The following BAG3 variants were observed in gnomAD, a reference collection of about 807,000 sequenced individuals.
BAG3 encodes BAG family molecular chaperone regulator 3.
A neutral mutation model predicts 40.5 loss-of-function variants in BAG3; 14 were observed. The ratio of observed to expected loss-of-function variants is 0.35; its 90% CI spans 0.23 to 0.54. BAG3 has a LOEUF of 0.54. BAG3 is among the 20% of genes least tolerant of loss of function. The probability of loss-of-function intolerance (pLI) is 0.91; values close to 1 mark genes in which losing one functional copy is unlikely to be tolerated. For missense variants in BAG3, 788 were observed against 758.6 expected (o/e 1.04, Z -0.46); for synonymous variants, 302 against 307.8 (o/e 0.98, Z 0.20).
intron 1 of BAG3, among the ~76,000 whole-genome samples, chr10:119,652,244 G>A (rs1277953744): frequency 1.3e-5 from 2 of 152,024 alleles, no homozygotes; most frequent in African/African-American, 4.8e-5. Flanking sequence ...CGTGGCCCCT[G>A]CTGCCCGCTC....
intron 1 of BAG3, among the ~76,000 whole-genome samples, chr10:119,652,476 A>G (rs1054923162): frequency 6.6e-6 from 1 of 152,208 alleles, no homozygotes; most frequent in Non-Finnish European, 1.5e-5. Context: ...TTAAATTAAA[A>G]TTGTATTATT....
At chr10:119,660,041 C>A (rs1379856797) in intron 1 of BAG3, among the ~76,000 whole-genome samples, 2 of 152,182 alleles carry the variant, frequency 1.3e-5, no homozygotes, top group Non-Finnish European at 2.9e-5. Flanking sequence ...AGGCAGGCTG[C>A]AGGGCTGGGG....
chr10:119,671,300 T>G (rs1847146591), intron 2 of BAG3, among the ~76,000 whole-genome samples: 1 of 152,212 alleles, frequency 6.6e-6, no homozygotes, highest in Non-Finnish European at 1.5e-5. Context: ...AGAGCGAGAC[T>G]GTCTCAAAAA....
At chr10:119,666,542 C>G (rs1394315677) in intron 1 of BAG3, among the ~76,000 whole-genome samples, 1 of 152,270 alleles carries the variant, frequency 6.6e-6, no homozygotes, top group Non-Finnish European at 1.5e-5. Flanking sequence ...AATGGAGGCA[C>G]AAAATGTGCT....
intron 1 of BAG3, among the ~76,000 whole-genome samples, chr10:119,668,837 A>G (rs920136100): frequency 2.6e-5 from 4 of 152,268 alleles, no homozygotes; most frequent in Non-Finnish European, 4.4e-5. Context: ...CGGGGCCATC[A>G]AGATAGGCAC....
rs753140913 is a variant in BAG3 at position 119,676,538 on chromosome 10, T to G, written c.984T>G (p.Val328=). 4 of 1,613,864 alleles carry G rather than the reference T, an allele frequency of 2.5e-6. No individual in the cohort carries two copies. Among genetic ancestry groups the G allele is most frequent in the Non-Finnish European group, 3.4e-6 (4 of 1,179,996 alleles). ...AACCAGAAAGTAAGCCAGGCCCAGT[T>G]GGACCAGAACTCCCTCCTGGACACA... ...ENKPESKPGP[V]GPELPPGHIP... Residue 328 remains valine (V), a synonymous_variant, in exon 4 of 4, where the codon GTT becomes GTG. Transcript: ENST00000369085.
At chr10:119,667,108 C>T (rs1847078136) in intron 1 of BAG3, among the ~76,000 whole-genome samples, 2 of 152,182 alleles carry the variant, frequency 1.3e-5, no homozygotes, top group African/African-American at 4.8e-5. Flanking sequence ...TCCTGAATAG[C>T]AGGGACTACA....
At chr10:119,668,511 G>T (rs971203148) in intron 1 of BAG3, among the ~76,000 whole-genome samples, 1 of 152,250 alleles carries the variant, frequency 6.6e-6, no homozygotes, top group Non-Finnish European at 1.5e-5. Context: ...ACACTTATCA[G>T]TAGCTCCCCT....
At chr10:119,665,700 G>GT (rs1847055379) in intron 1 of BAG3, among the ~76,000 whole-genome samples, 1 of 152,112 alleles carries the variant, frequency 6.6e-6, no homozygotes, top group African/African-American at 2.4e-5. Context: ...ACGGGTGGGA[G>GT]TTTCATTTTT....
At chr10:119,654,519 C>A (rs1846885824) in intron 1 of BAG3, among the ~76,000 whole-genome samples, 1 of 152,360 alleles carries the variant, frequency 6.6e-6, no homozygotes, top group East Asian at 1.9e-4. Context: ...GTAGTTAGGA[C>A]AACTCCCTGT....
chr10:119,661,348 G>T (rs3892879), intron 1 of BAG3, among the ~76,000 whole-genome samples: 2 of 151,974 alleles, frequency 1.3e-5, no homozygotes, highest in Non-Finnish European at 2.9e-5. Flanking sequence ...ACCTTATTTC[G>T]TACCTTATTT....
At chr10:119,657,227 T>C (rs949603177) in intron 1 of BAG3, among the ~76,000 whole-genome samples, 1 of 152,314 alleles carries the variant, frequency 6.6e-6, no homozygotes, top group East Asian at 1.9e-4. Context: ...AGTCACAGTG[T>C]TAAATGCCAT....
Position 119,677,759 on chromosome 10 carries a change from G to A in BAG3, c.*477G>A, listed in dbSNP as rs1209375552. The stretch of plus-strand genomic sequence containing the variant: ...CCAGGAGCCATAGGAATATCTGTAT[G>A]TTGGATGACTTTAATGCTACATTTT... On this transcript the variant is annotated 3_prime_UTR_variant, in exon 4 of 4. Transcript: ENST00000369085. The A allele has an allele frequency of 5.7e-6, 1 of 174,118 alleles. No individual in the cohort carries two copies. The highest frequency in any genetic ancestry group is 2.4e-5 in the African/African-American group (1 of 42,136). 10.8% of individuals were successfully genotyped at this position (174,118 alleles called of 1,614,324 possible).
chr10:119,657,187 CTG>C (rs1474278899), intron 1 of BAG3, among the ~76,000 whole-genome samples: 2 of 152,154 alleles, frequency 1.3e-5, no homozygotes, highest in East Asian at 3.9e-4. Context: ...TTTACCCCAT[CTG>C]AAATTCACTG....
chr10:119,672,321 G>A lies in BAG3; in HGVS notation c.574G>A (p.Gly192Ser), dbSNP rs201487919. Reference protein sequence around the residue: ...SSSSASLPSSGRSSLGSHQLP... With the variant: ...SSSSASLPSSSRSSLGSHQLP... Reference sequence around the variant, plus strand: ...CTCCTCGGCCAGCCTGCCTTCCTCCGGCAGGAGCAGCCTGGGCAGTCACCA... The same window carrying A: ...CTCCTCGGCCAGCCTGCCTTCCTCCAGCAGGAGCAGCCTGGGCAGTCACCA... The change falls in exon 3 of 4, where the codon GGC (glycine) becomes AGC (serine). Residue 192 changes from glycine to serine, a missense_variant. Coordinates refer to ENST00000369085, the MANE Select transcript of BAG3 (RefSeq NM_004281.4). This position sits in a 1 kb window ranked among gnomAD's most constrained non-coding sequence, Gnocchi z 4.8. 73 of 1,613,992 alleles carry A rather than the reference G, an allele frequency of 4.5e-5. No homozygotes were observed. The East Asian group carries it at 7.8e-4, about 17-fold the overall frequency.
intron 1 of BAG3, among the ~76,000 whole-genome samples, chr10:119,662,796 C>T (rs550445912): frequency 5.9e-5 from 9 of 152,190 alleles, no homozygotes; most frequent in Middle Eastern, 3.4e-3. Context: ...GGGCAGATCA[C>T]GAGGTCAGGA....
rs772652580 is a variant in BAG3, at chr10:119,651,750, A to T, written c.75A>T (p.Gly25=). 5 of 1,599,538 alleles carry T rather than the reference A, an allele frequency of 3.1e-6. No individual in the cohort carries two copies. Among genetic ancestry groups the T allele is most frequent in the Non-Finnish European group, 2.6e-6 (3 of 1,173,478 alleles). ...GTGACCGCGACCCTTTGCCCCCCGG[A>T]TGGGAGATCAAGATCGACCCGCAGA... The part of the protein sequence containing the change: ...GNGDRDPLPP[G]WEIKIDPQTG... The change falls in exon 1 of 4, where the codon GGA becomes GGT. Residue 25 remains glycine, a synonymous_variant. Transcript: ENST00000369085.
At chr10:119,657,954 CGCAGAGTGCCAGCTCTGT>C (rs1846935261) in intron 1 of BAG3, among the ~76,000 whole-genome samples, 1 of 152,210 alleles carries the variant, frequency 6.6e-6, no homozygotes, top group South Asian at 2.1e-4. Flanking sequence ...AGCCTAGAAT[CGCAGAGTGCCAGCTCTGT>C]GCGTCAGGAG....
At position 119,669,926 on chromosome 10, in the gene BAG3, T is replaced by C. The variant is rs755593480; in HGVS notation, c.256T>C (p.Tyr86His). ...LPPAREGHPV[Y>H]PQLRPGYIPI... The stretch of plus-strand genomic sequence containing the variant: ...GCCTGCTAGGGAAGGCCACCCTGTG[T>C]ACCCCCAGCTCCGACCAGGCTACAT... The change falls in exon 2 of 4, where the codon TAC becomes CAC. Residue 86 changes from tyrosine to histidine, a missense_variant. Tyr to His is a moderately conservative substitution (Grantham distance 83). Transcript: ENST00000369085. The C allele has an allele frequency of 1.2e-6, 2 of 1,614,224 alleles. No individual in the cohort carries two copies. The highest frequency in any genetic ancestry group is 3.3e-5 in the Admixed American group (2 of 60,030).
Sources: allele counts gnomAD v4.1 joint callset (sites outside exome capture counted in the v4.1 genomes callset), GRCh38; gene constraint gnomAD v4.1.1; non-coding constraint Gnocchi (gnomAD v3.1); transcripts MANE v1.5; gene names NCBI Gene and HGNC (gene_info 2026-07-23, HGNC 2026-07-21).